The following GALNT17 variants were observed in gnomAD, a reference collection of about 807,000 sequenced individuals.
The protein encoded by GALNT17 is UDP-GalNAc:polypeptide N-acetylgalactosaminyltransferase-like 3.
A neutral mutation model predicts 63.7 loss-of-function variants in GALNT17; 29 were observed. The observed-to-expected ratio is 0.46, with a 90% CI of 0.34 to 0.62. The LOEUF (loss-of-function observed/expected upper bound fraction) is 0.62. Ranked by LOEUF, GALNT17 falls within the 20% of genes least tolerant of loss-of-function variation. The pLI is 0.01. For missense variants in GALNT17, 603 were observed against 799.6 expected, an observed-to-expected ratio of 0.75 and a Z score of 2.97; for synonymous variants, 305 against 318.3, an observed-to-expected ratio of 0.96 and a Z score of 0.45.
intron 7 of GALNT17, among the ~76,000 whole-genome samples, chr7:71,669,481 AG>A (rs759793952): frequency 2.2e-4 from 33 of 151,906 alleles, no homozygotes; most frequent in Non-Finnish European, 4.1e-4. Context: ...ACTGCATTCC[AG>A]CCTGGGTGAT....
chr7:71,143,626 G>T (rs550379246), intron 1 of GALNT17, among the ~76,000 whole-genome samples: 2 of 152,156 alleles, frequency 1.3e-5, no homozygotes, highest in Admixed American at 6.5e-5. Context: ...ATCCTAGGTT[G>T]GTTTGGACTT....
intron 2 of GALNT17, among the ~76,000 whole-genome samples, chr7:71,338,943 A>C (rs1344847062): frequency 4.6e-5 from 7 of 152,208 alleles, no homozygotes; most frequent in African/African-American, 1.7e-4. Context: ...ATTTAGAATC[A>C]CTAGGAAAAT....
chr7:71,498,618 C>T (rs1363847362), intron 5 of GALNT17, among the ~76,000 whole-genome samples: 1 of 152,068 alleles, frequency 6.6e-6, no homozygotes, highest in Non-Finnish European at 1.5e-5. Flanking sequence ...TTTGGGAGTA[C>T]TGAAGAGAAT....
chr7:71,323,064 A>G (rs1334503531), intron 1 of GALNT17, among the ~76,000 whole-genome samples: 1 of 151,974 alleles, frequency 6.6e-6, no homozygotes, highest in Non-Finnish European at 1.5e-5. Flanking sequence ...ACGGTTAATG[A>G]TATGTCTTGA....
chr7:71,177,847 T>C (rs4719083), intron 1 of GALNT17, among the ~76,000 whole-genome samples: 40,066 of 152,170 alleles, frequency 0.26, 9,810 homozygotes, highest in African/African-American at 0.66. Context: ...GGAGTATAGC[T>C]ATCCAAAATC....
intron 8 of GALNT17, among the ~76,000 whole-genome samples, chr7:71,676,899 G>A (rs557139232): frequency 3.9e-5 from 6 of 152,230 alleles, no homozygotes; most frequent in East Asian, 1.9e-4. Flanking sequence ...GTCTAAGATC[G>A]GGGTAACCAG....
chr7:71,696,513 GT>G (rs1355388706), intron 9 of GALNT17, among the ~76,000 whole-genome samples: 2 of 152,174 alleles, frequency 1.3e-5, no homozygotes, highest in African/African-American at 4.8e-5. Context: ...TGCAAGCCAT[GT>G]TTTTATTGAT....
chr7:71,258,832 A>C (rs1433101244), intron 1 of GALNT17, among the ~76,000 whole-genome samples: 1 of 152,208 alleles, frequency 6.6e-6, no homozygotes, highest in African/African-American at 2.4e-5. Flanking sequence ...TACAGAGAGG[A>C]TGATATTTAT....
rs565000705 is a variant in GALNT17, at chr7:71,504,399, A to C, written c.963-66886A>C. Among the ~76,000 whole-genome samples, 106 of 152,164 alleles carry C rather than the reference A, an allele frequency of 7.0e-4. 4 individuals are homozygous for C. The South Asian group carries it at 0.018, about 25-fold the overall frequency. On this transcript the variant is annotated intron_variant, in intron 5 of 10. Coordinates refer to ENST00000333538, the MANE Select transcript of GALNT17 (RefSeq NM_022479.3). ...AGCTAGACTCCGTCTCAATAAATAA[A>C]TAAATAAATAAATAAATAAGTGAAC...
intron 1 of GALNT17, among the ~76,000 whole-genome samples, chr7:71,157,036 A>T (rs1788249364): frequency 2.0e-5 from 3 of 151,622 alleles, no homozygotes; most frequent in South Asian, 2.1e-4. Flanking sequence ...AGCTCAGTGT[A>T]GCTTTGGACT....
In GALNT17 at chr7:71,596,281, G is replaced by A. The variant is rs531283571; in HGVS notation, c.1080+24879G>A. On this transcript the variant is annotated intron_variant, in intron 6 of 10. Transcript: ENST00000333538. ...TCTCAAACTCCTGACCTCGTGATTC[G>A]CCCACCTTGGCCTCCCAAAGTGCTG... Among the ~76,000 whole-genome samples, 116 of 151,046 alleles carry A rather than the reference G, an allele frequency of 7.7e-4. 3 individuals carry two copies. Among genetic ancestry groups the A allele is most frequent in the African/African-American group, 2.7e-3 (111 of 40,528 alleles).
intron 3 of GALNT17, among the ~76,000 whole-genome samples, chr7:71,415,065 A>G (rs144694651): frequency 1.3e-5 from 2 of 152,134 alleles, no homozygotes; most frequent in African/African-American, 4.8e-5. Flanking sequence ...AATGGAGTGC[A>G]GTAGTGTAAC....
At chr7:71,707,584 T>A (rs1185746916) in intron 9 of GALNT17, among the ~76,000 whole-genome samples, 1 of 152,192 alleles carries the variant, frequency 6.6e-6, no homozygotes, top group East Asian at 1.9e-4. Flanking sequence ...GTCAGCTGGA[T>A]GGTTCTCTGA....
intron 1 of GALNT17, among the ~76,000 whole-genome samples, chr7:71,236,037 C>T (rs1290923900): frequency 3.9e-5 from 6 of 152,016 alleles, no homozygotes; most frequent in African/African-American, 9.7e-5. Flanking sequence ...AAAAATTAGC[C>T]GGGCGTGGTG....
chr7:71,489,828 C>G (rs1386362512), intron 5 of GALNT17, among the ~76,000 whole-genome samples: 1 of 152,226 alleles, frequency 6.6e-6, no homozygotes, highest in East Asian at 1.9e-4. Context: ...TTCAGGGCCT[C>G]AATCTCCTGT....
At chr7:71,563,210 G>A (rs1047189667) in intron 5 of GALNT17, among the ~76,000 whole-genome samples, 1 of 152,206 alleles carries the variant, frequency 6.6e-6, no homozygotes, top group Non-Finnish European at 1.5e-5. Flanking sequence ...TGAAGTGTTT[G>A]CACTCATGGT....
intron 1 of GALNT17, among the ~76,000 whole-genome samples, chr7:71,246,686 C>T (rs1456654813): frequency 1.3e-5 from 2 of 151,546 alleles, no homozygotes; most frequent in Non-Finnish European, 2.9e-5. Flanking sequence ...AAAAATTAGC[C>T]GGGCATGTGG....
At position 71,454,957 on chromosome 7, in the gene GALNT17, G is replaced by A. The variant is rs866106434; in HGVS notation, c.962+33852G>A. 3.0e-4 allele frequency among the ~76,000 whole-genome samples: 45 copies of A among 152,022 alleles called. 1 individual carries two copies. The highest frequency in any genetic ancestry group is 2.3e-3 in the South Asian group (11 of 4,796). ...AAGGCAGGCAGAATGGCTTGAGCTC[G>A]GGAGTTTGAGACCAGCCTGGGCAAC... On this transcript the variant is annotated intron_variant, in intron 5 of 10. Coordinates refer to ENST00000333538, the MANE Select transcript of GALNT17 (RefSeq NM_022479.3).
At chr7:71,221,908 A>ATTTTTTT (rs370780821) in intron 1 of GALNT17, among the ~76,000 whole-genome samples, 2 of 114,698 alleles carry the variant, frequency 1.7e-5, no homozygotes, top group Admixed American at 1.1e-4. Flanking sequence ...CCTTATTTAG[A>ATTTTTTT]TTTTTTTTTT....
Sources: gnomAD v4.1 joint callset for allele counts (sites outside exome capture counted in the v4.1 genomes callset) on GRCh38, gnomAD v4.1.1 for gene constraint, MANE v1.5 for transcripts, NCBI Gene and HGNC (gene_info 2026-07-23, HGNC 2026-07-21) for gene names.